SLC12A2: variants seen among roughly 807,000 people sequenced by gnomAD.
The protein encoded by SLC12A2 is Na-K-2Cl cotransporter 1.
In SLC12A2, 67 loss-of-function variants were observed where a neutral mutation model predicts 136.3. That is an observed-to-expected ratio of 0.49 (90% CI 0.40 to 0.60). SLC12A2 has a LOEUF of 0.60. SLC12A2 is among the 20% of genes least tolerant of loss of function. The probability of loss-of-function intolerance (pLI) is 0.00; values close to 1 mark genes in which losing one functional copy is unlikely to be tolerated. For synonymous variants in SLC12A2, 619 were observed against 562.9 expected, an observed-to-expected ratio of 1.10 and a Z score of -1.41; for missense variants, 1,322 against 1,534.7, an observed-to-expected ratio of 0.86 and a Z score of 2.32.
chr5:128,172,750 C>T (rs1763418059), intron 19 of SLC12A2, among the ~76,000 whole-genome samples: 1 of 152,094 alleles, frequency 6.6e-6, no homozygotes, highest in Non-Finnish European at 1.5e-5. Context: ...GACCAGAGGT[C>T]AGGAGTTTGA....
At chr5:128,116,456 C>T (rs1280893841) in intron 4 of SLC12A2, among the ~76,000 whole-genome samples, 1 of 150,346 alleles carries the variant, frequency 6.7e-6, no homozygotes, top group Non-Finnish European at 1.5e-5. Context: ...ACTTTGTGTG[C>T]AGTCTTCTGT....
At chr5:128,109,127 G>T (rs756851016) in intron 1 of SLC12A2, among the ~76,000 whole-genome samples, 13 of 152,120 alleles carry the variant, frequency 8.5e-5, no homozygotes, top group Non-Finnish European at 1.8e-4. Context: ...GAAAACATGA[G>T]GATTAATTAA....
intron 17 of SLC12A2, among the ~76,000 whole-genome samples, chr5:128,165,727 A>G (rs1023215228): frequency 6.6e-6 from 1 of 152,154 alleles, no homozygotes; most frequent in African/African-American, 2.4e-5. Flanking sequence ...TGAAAATGTA[A>G]GTATACAGAG....
intron 1 of SLC12A2, among the ~76,000 whole-genome samples, chr5:128,097,171 G>T (rs1000380192): frequency 2.0e-5 from 3 of 149,650 alleles, no homozygotes; most frequent in African/African-American, 7.4e-5. Flanking sequence ...ATTGTACTTT[G>T]CTTATTTCAA....
chr5:128,118,825 C>T (rs1286668088), intron 4 of SLC12A2, among the ~76,000 whole-genome samples: 1 of 152,026 alleles, frequency 6.6e-6, no homozygotes, highest in Non-Finnish European at 1.5e-5. Flanking sequence ...TCACATTATG[C>T]CAATATCTCC....
At position 128,151,305 on chromosome 5, in the gene SLC12A2, C is replaced by T. The variant is rs774903841; in HGVS notation, c.2172C>T (p.Cys724=). The stretch of plus-strand genomic sequence containing the variant: ...CACTTCTTGGAGCAATTCTTTGTTG[C>T]ATAGTAATGTTCGTCATTAACTGGT... ...WISLLGAILC[C]IVMFVINWWA... is the part of the protein sequence containing the mutation. The change falls in exon 14 of 27, where the codon TGC becomes TGT. Residue 724 remains cysteine, a synonymous_variant. Transcript: ENST00000262461. 1 of 1,612,518 alleles carries T rather than the reference C, an allele frequency of 6.2e-7. No individual in the cohort carries two copies. Among genetic ancestry groups the T allele is most frequent in the East Asian group, 2.2e-5 (1 of 44,756 alleles).
rs1554105176 is a variant in SLC12A2, at chr5:128,126,966, A to AATTTTTT, written c.1049-4101_1049-4100insATTTTTT. On this transcript the variant is annotated intron_variant, in intron 4 of 26. Coordinates refer to ENST00000262461, the MANE Select transcript of SLC12A2 (RefSeq NM_001046.3). Reference sequence around the variant, plus strand: ...CATATATATATATATATATATATATATTTTTTTTTTTTTTTTTTTTTGCAT... The same window carrying AATTTTTT: ...CATATATATATATATATATATATATAATTTTTTTTTTTTTTTTTTTTTTTTTTTGCAT... 1.7e-3 allele frequency among the ~76,000 whole-genome samples: 35 copies of AATTTTTT among 21,160 alleles called. 4 individuals are homozygous for AATTTTTT. The highest frequency in any genetic ancestry group is 8.7e-3 in the African/African-American group (35 of 4,030). The allele number at this position is 21,160 out of a possible 152,430, so 13.9% of individuals were successfully genotyped here.
In SLC12A2 at chr5:128,114,247, T is replaced by G; in HGVS notation, c.912T>G (p.Leu304=). ...RCMLNIWGVM[L]FIRLSWIVGQ... is the part of the protein sequence containing the mutation. ...TGTTAAACATTTGGGGTGTGATGCTTTTCATTAGATTGTCATGGATTGTGG... is the reference window on the plus strand; with the variant it reads ...TGTTAAACATTTGGGGTGTGATGCTGTTCATTAGATTGTCATGGATTGTGG... Residue 304 remains leucine, a synonymous_variant, in exon 3 of 27, where the codon CTT becomes CTG. Coordinates refer to ENST00000262461, the MANE Select transcript of SLC12A2 (RefSeq NM_001046.3). The G allele has an allele frequency of 6.2e-7, 1 of 1,613,626 alleles. No individual in the cohort carries two copies. The highest frequency in any genetic ancestry group is 1.1e-5 in the South Asian group (1 of 91,064).
intron 15 of SLC12A2, among the ~76,000 whole-genome samples, chr5:128,153,763 G>A (rs184799990): frequency 2.8e-4 from 42 of 152,168 alleles, no homozygotes; most frequent in African/African-American, 9.6e-4. Flanking sequence ...GCTCTACCCA[G>A]TCTCTCTCTC....
In SLC12A2 at chr5:128,112,906, G is replaced by A. The variant is rs1276857427; in HGVS notation, c.849G>A (p.Val283=). ...VTYTAESKGV[V]KFGWIKGVLV... ...ATACTGCAGAAAGTAAAGGAGTCGT[G>A]AAGTTTGGCTGGATCAAGGGTGTAT... The change falls in exon 2 of 27, where the codon GTG becomes GTA. Residue 283 remains valine, a synonymous_variant. Transcript: ENST00000262461. 6.2e-7 allele frequency: 1 copy of A among 1,612,910 alleles called. No homozygotes were observed. The highest frequency in any genetic ancestry group is 1.3e-5 in the African/African-American group (1 of 74,884).
chr5:128,184,945 AC>A (rs1763822422), intron 26 of SLC12A2, 89 bp downstream of exon 26: 1 of 1,110,616 alleles, frequency 9.0e-7, no homozygotes, highest in Non-Finnish European at 1.3e-6. Flanking sequence ...TCTATATAAC[AC>A]CCATATTGAC....
intron 17 of SLC12A2, among the ~76,000 whole-genome samples, chr5:128,166,383 A>G (rs1292750545): frequency 6.6e-5 from 10 of 152,102 alleles, no homozygotes. Flanking sequence ...TGGATAAAAA[A>G]TATTCGTTGC....
intron 1 of SLC12A2, among the ~76,000 whole-genome samples, chr5:128,093,063 T>A (rs1041192407): frequency 6.6e-6 from 1 of 152,190 alleles, no homozygotes; most frequent in Non-Finnish European, 1.5e-5. Flanking sequence ...GTGGCTTCTA[T>A]TTTGCATAAA....
At chr5:128,168,407 G>C (rs1301553142) in intron 18 of SLC12A2, 1 of 152,130 alleles carries the variant, frequency 6.6e-6, no homozygotes, top group Non-Finnish European at 1.5e-5. Context: ...TGAGTTCACT[G>C]TAACTTCCGT....
intron 16 of SLC12A2, among the ~76,000 whole-genome samples, chr5:128,158,413 T>C (rs1444224165): frequency 6.6e-6 from 1 of 152,186 alleles, no homozygotes; most frequent in African/African-American, 2.4e-5. Context: ...CCATATGTAC[T>C]TAATGTTTAG....
In SLC12A2 at chr5:128,096,239, A is replaced by G. The variant is rs576478434; in HGVS notation, c.756+11529A>G. 5.9e-5 allele frequency among the ~76,000 whole-genome samples: 9 copies of G among 152,238 alleles called. No homozygotes were observed. In the East Asian group the frequency reaches 1.7e-3, roughly 29 times the overall value. On this transcript the variant is annotated intron_variant, in intron 1 of 26. Transcript: ENST00000262461. ...GGAAAGATGAGGTATTAGGAAAAACATCTATGTTTTTACTCATTAAGTATG... is the reference window on the plus strand; with the variant it reads ...GGAAAGATGAGGTATTAGGAAAAACGTCTATGTTTTTACTCATTAAGTATG...
Position 128,113,997 on chromosome 5 carries a change from T to C in SLC12A2, c.877-215T>C, listed in dbSNP as rs78142770. ...GTGCATTTATTTTCATACACACTTTTATATGTTACATTGTGTTTATATTAG... is the reference window on the plus strand; with the variant it reads ...GTGCATTTATTTTCATACACACTTTCATATGTTACATTGTGTTTATATTAG... On this transcript the variant is annotated intron_variant, in intron 2 of 26. Coordinates refer to ENST00000262461, the MANE Select transcript of SLC12A2 (RefSeq NM_001046.3). Among the ~76,000 whole-genome samples the C allele has an allele frequency of 3.0e-3, 463 of 152,326 alleles. 3 individuals are homozygous for C. The highest frequency in any genetic ancestry group is 0.011 in the African/African-American group (449 of 41,578).
chr5:128,180,026 G>A (rs1581141456), intron 22 of SLC12A2, among the ~76,000 whole-genome samples: 1 of 120,096 alleles, frequency 8.3e-6, no homozygotes, highest in Non-Finnish European at 1.6e-5. Flanking sequence ...CTGGAGTACA[G>A]TGGCGCAATC....
chr5:128,130,162 G>A (rs1046847021), intron 4 of SLC12A2, among the ~76,000 whole-genome samples: 4 of 152,042 alleles, frequency 2.6e-5, no homozygotes, highest in African/African-American at 9.7e-5. Flanking sequence ...TGTGATTCCA[G>A]CACTTTTGGG....
Sources: gnomAD v4.1 joint callset for allele counts (sites outside exome capture counted in the v4.1 genomes callset) on GRCh38, gnomAD v4.1.1 for gene constraint, MANE v1.5 for transcripts, NCBI Gene and HGNC (gene_info 2026-07-23, HGNC 2026-07-21) for gene names.